The following PAX8 variants were observed in gnomAD, a reference collection of about 807,000 sequenced individuals.
PAX8 encodes paired box 8.
In PAX8, 15 loss-of-function variants were observed where a neutral mutation model predicts 52.4. The observed-to-expected ratio is 0.29, with a 90% CI of 0.19 to 0.44. The LOEUF (loss-of-function observed/expected upper bound fraction) is 0.44. Ranked by LOEUF, PAX8 falls within the 20% of genes least tolerant of loss-of-function variation. The pLI is 1.00. For synonymous variants in PAX8, 284 were observed against 249.7 expected (o/e 1.14, Z -1.29); for missense variants, 554 against 602.5 (o/e 0.92, Z 0.84).
chr2:113,258,961 G>A (rs914336255), intron 2 of PAX8, among the ~76,000 whole-genome samples: 4 of 152,086 alleles, frequency 2.6e-5, no homozygotes, highest in African/African-American at 9.7e-5. Context: ...TTGACATGAG[G>A]CCCTGCCTTT....
chr2:113,258,102 G>A (rs1371287781), intron 2 of PAX8, among the ~76,000 whole-genome samples: 4 of 152,296 alleles, frequency 2.6e-5, no homozygotes, highest in East Asian at 3.9e-4. Flanking sequence ...CCCTAAGAGC[G>A]AATATGTCCT....
chr2:113,276,903 G>A (rs2104619388), intron 2 of PAX8, among the ~76,000 whole-genome samples: 1 of 151,694 alleles, frequency 6.6e-6, no homozygotes, highest in East Asian at 1.9e-4. Context: ...ATGGGCACCG[G>A]GCACTGCACA....
chr2:113,246,762 G>T lies in PAX8; in HGVS notation c.183C>A (p.Ile61=). The part of the protein sequence containing the change: ...LRVSHGCVSK[I]LGRYYETGSI... Reference sequence around the variant, plus strand: ...GTGAATTTCGTGCTTACCTGCCAAGGATCTTGCTGACGCAGCCATGGCTGA... The same window carrying T: ...GTGAATTTCGTGCTTACCTGCCAAGTATCTTGCTGACGCAGCCATGGCTGA... Residue 61 remains isoleucine, a synonymous_variant, in exon 3 of 12, where the codon ATC becomes ATA. Transcript: ENST00000429538. 5 of 1,612,914 alleles carry T rather than the reference G, an allele frequency of 3.1e-6. No individual in the cohort carries two copies. The highest frequency in any genetic ancestry group is 4.2e-6 in the Non-Finnish European group (5 of 1,179,188).
At chr2:113,278,263 G>A (rs1693971263) in intron 2 of PAX8, 107 bp downstream of exon 2, 3 of 927,948 alleles carry the variant, frequency 3.2e-6, no homozygotes, top group Admixed American at 3.9e-5. Flanking sequence ...ACGCGGGTGG[G>A]TCCCGCGAAT....
At chr2:113,241,753 C>T (rs762759754) in intron 6 of PAX8, 27 bp from the exon 7 acceptor site, 1 of 1,611,830 alleles carries the variant, frequency 6.2e-7, no homozygotes, top group East Asian at 2.2e-5. Context: ...AGGAAGAAAG[C>T]TTTTAGGGGA....
intron 2 of PAX8, among the ~76,000 whole-genome samples, chr2:113,277,339 C>A (rs6749645): frequency 6.6e-6 from 1 of 152,190 alleles, no homozygotes; most frequent in Non-Finnish European, 1.5e-5. Flanking sequence ...CCCGGGCCCC[C>A]GCAGTGCGCT....
chr2:113,225,816 G>C (rs1161784440), intron 10 of PAX8: 13 of 652,866 alleles, frequency 2.0e-5, no homozygotes, highest in Non-Finnish European at 2.5e-5. Context: ...GGGGTTGGAA[G>C]GGGAATGGGG....
intron 9 of PAX8, among the ~76,000 whole-genome samples, chr2:113,230,298 T>A (rs971685997): frequency 1.3e-5 from 2 of 152,238 alleles, no homozygotes; most frequent in African/African-American, 4.8e-5. Flanking sequence ...CTGTTCCTTC[T>A]CGTTCTATTA....
intron 9 of PAX8, among the ~76,000 whole-genome samples, chr2:113,230,957 A>C (rs184635390): frequency 6.6e-6 from 1 of 152,220 alleles, no homozygotes; most frequent in Non-Finnish European, 1.5e-5. Context: ...CTGGCCGTGG[A>C]GTTCTCTAAG....
chr2:113,244,320 C>G (rs1573469099), intron 4 of PAX8, 107 bp downstream of exon 4: 1 of 857,682 alleles, frequency 1.2e-6, no homozygotes, highest in African/African-American at 1.7e-5. Flanking sequence ...GCATCAGGCC[C>G]CTTCCCGGCC....
chr2:113,242,267 C>A (rs1240402200), intron 5 of PAX8, 137 bp from the exon 6 acceptor site: 2 of 687,796 alleles, frequency 2.9e-6, no homozygotes, highest in East Asian at 2.7e-5. Context: ...GTGGGACACC[C>A]CTTACAGCCC....
chr2:113,217,719 C>T lies in PAX8; in HGVS notation c.*814G>A, dbSNP rs1255863735. 4.3e-6 allele frequency: 1 copy of T among 232,440 alleles called. No homozygotes were observed. The highest frequency in any genetic ancestry group is 2.2e-5 in the African/African-American group (1 of 45,262). The allele number at this position is 232,440 out of a possible 1,614,324, so 14.4% of individuals were successfully genotyped here. A position where few individuals can be genotyped will look rare whatever the true frequency, so the allele number is the denominator to read the frequency against. On this transcript the variant is annotated 3_prime_UTR_variant, in exon 12 of 12. Coordinates refer to ENST00000429538, the MANE Select transcript of PAX8 (RefSeq NM_003466.4). ...TCCTGCGATTCTGCCTTGTTCTGCC[C>T]TGGGTGAAGCCGCACACCACACCTC...
At chr2:113,265,178 C>A (rs947258720) in intron 2 of PAX8, among the ~76,000 whole-genome samples, 8 of 152,232 alleles carry the variant, frequency 5.3e-5, no homozygotes, top group African/African-American at 1.7e-4. Flanking sequence ...ATGGCTTTTC[C>A]ACTTAATAAA....
intron 2 of PAX8, among the ~76,000 whole-genome samples, chr2:113,276,918 G>A (rs969196140): frequency 3.3e-5 from 5 of 152,220 alleles, no homozygotes; most frequent in African/African-American, 1.2e-4. Flanking sequence ...TGCACATTAG[G>A]CCTCAGGGAT....
chr2:113,236,843 C>CCAGGAGAGGT, intron 7 of PAX8, 122 bp from the exon 8 acceptor site: 1 of 1,089,774 alleles, frequency 9.2e-7, no homozygotes, highest in Non-Finnish European at 1.3e-6. Flanking sequence ...CCTCATCGCC[C>CCAGGAGAGGT]CCTTCTTCCT....
In PAX8 at chr2:113,218,253, C is replaced by T; in HGVS notation, c.*280G>A. 2.7e-6 allele frequency: 1 copy of T among 365,144 alleles called. No individual in the cohort carries two copies. Among genetic ancestry groups the T allele is most frequent in the African/African-American group, 2.1e-5 (1 of 48,230 alleles). The allele number at this position is 365,144 out of a possible 1,614,324, so 22.6% of individuals were successfully genotyped here. ...TCCTTTGGTGGGTACCGGCTGGGGG[C>T]TACATTTCTTCTTCAATTTTGTCTT... On this transcript the variant is annotated 3_prime_UTR_variant, in exon 12 of 12. Coordinates refer to ENST00000429538, the MANE Select transcript of PAX8 (RefSeq NM_003466.4).
intron 2 of PAX8, among the ~76,000 whole-genome samples, chr2:113,263,761 A>G (rs1692857820): frequency 6.6e-6 from 1 of 152,186 alleles, no homozygotes; most frequent in Non-Finnish European, 1.5e-5. Context: ...CACATGGGAA[A>G]GACTGTGGGT....
chr2:113,256,503 A>G (rs1692256414), intron 2 of PAX8, among the ~76,000 whole-genome samples: 1 of 152,114 alleles, frequency 6.6e-6, no homozygotes, highest in African/African-American at 2.4e-5. Flanking sequence ...AAGTCCTTCC[A>G]CTATCCTTTA....
chr2:113,277,782 C>T (rs1019907304), intron 2 of PAX8, among the ~76,000 whole-genome samples: 8 of 152,158 alleles, frequency 5.3e-5, no homozygotes, highest in Admixed American at 4.6e-4. Flanking sequence ...CGGCTTAGTC[C>T]TCACCAGCCG....
Sources: allele counts gnomAD v4.1 joint callset (sites outside exome capture counted in the v4.1 genomes callset), GRCh38; gene constraint gnomAD v4.1.1; transcripts MANE v1.5; gene names NCBI Gene and HGNC (gene_info 2026-07-23, HGNC 2026-07-21).